TBCK: variants seen among roughly 807,000 people sequenced by gnomAD.
The protein encoded by TBCK is TBC domain-containing protein kinase-like protein.
A neutral mutation model predicts 113.4 loss-of-function variants in TBCK; 99 were observed. The ratio of observed to expected loss-of-function variants is 0.87; its 90% CI spans 0.74 to 1.03. The LOEUF (loss-of-function observed/expected upper bound fraction) is 1.03, where lower values mean the gene tolerates loss of function less well. Among genes scored for constraint, TBCK ranks in the 50% least tolerant of loss-of-function variants. The probability of loss-of-function intolerance (pLI) is 0.00; values close to 1 mark genes in which losing one functional copy is unlikely to be tolerated. For missense variants in TBCK, 1,045 were observed against 1,061.3 expected (o/e 0.98, Z 0.21); for synonymous variants, 369 against 370.8 (o/e 1.00, Z 0.05).
chr4:106,124,163 A>T (rs1744836671), intron 23 of TBCK, among the ~76,000 whole-genome samples: 2 of 152,168 alleles, frequency 1.3e-5, no homozygotes, highest in South Asian at 4.1e-4. Flanking sequence ...AAGAAAAAAC[A>T]AACAACCCCA....
intron 3 of TBCK, among the ~76,000 whole-genome samples, chr4:106,288,562 A>T (rs1765353378): frequency 6.6e-6 from 1 of 152,194 alleles, no homozygotes; most frequent in South Asian, 2.1e-4. Flanking sequence ...GCCATTTTGA[A>T]TCAGTTCTTG....
chr4:106,309,712 T>C (rs1356622241), intron 1 of TBCK, among the ~76,000 whole-genome samples: 1 of 152,150 alleles, frequency 6.6e-6, no homozygotes, highest in Non-Finnish European at 1.5e-5. Flanking sequence ...TACCAACTAG[T>C]AACGAATAGG....
rs1186724303 is a variant in TBCK, at chr4:106,137,785, GA to G, written c.2236-21408del. Among the ~76,000 whole-genome samples, 2 of 140,320 alleles carry G rather than the reference GA, an allele frequency of 1.4e-5. 1 individual carries two copies. The highest frequency in any genetic ancestry group is 3.2e-5 in the Non-Finnish European group (2 of 61,734). The allele number at this position is 140,320 out of a possible 152,430, so 92.1% of individuals were successfully genotyped here. A position where few individuals can be genotyped will look rare whatever the true frequency, so the allele number is the denominator to read the frequency against. On this transcript the variant is annotated intron_variant, in intron 23 of 25. Coordinates refer to ENST00000394708, the MANE Select transcript of TBCK (RefSeq NM_001163435.3). ...TGAAATATAAAGAAAAGTAGAGACA[GA>G]TTTTTTTTTTCAGTGATTAGAGACT...
chr4:106,244,551 C>T, intron 11 of TBCK, 75 bp downstream of exon 11: 2 of 1,168,794 alleles, frequency 1.7e-6, no homozygotes. Flanking sequence ...CACCGATTTT[C>T]TTTTTTATTA....
chr4:106,103,939 G>A (rs1240441925), intron 24 of TBCK, among the ~76,000 whole-genome samples: 1 of 152,206 alleles, frequency 6.6e-6, no homozygotes, highest in Non-Finnish European at 1.5e-5. Flanking sequence ...AGTGGTGAGT[G>A]AATGAACGGC....
chr4:106,179,174 G>A (rs939995530), intron 22 of TBCK, among the ~76,000 whole-genome samples: 1 of 151,772 alleles, frequency 6.6e-6, no homozygotes, highest in Non-Finnish European at 1.5e-5. Flanking sequence ...TATTGATTTT[G>A]CTAATCTTTT....
intron 11 of TBCK, 117 bp downstream of exon 11, chr4:106,244,509 A>T: frequency 1.0e-6 from 1 of 977,886 alleles, no homozygotes; most frequent in Non-Finnish European, 1.4e-6. Context: ...TACCAAAAAA[A>T]TTTTAAAAAC....
At chr4:106,100,277 CA>C (rs751888958) in intron 24 of TBCK, among the ~76,000 whole-genome samples, 30,095 of 152,100 alleles carry the variant, frequency 0.2, 3,377 homozygotes, top group South Asian at 0.26. Context: ...ACATCACTTA[CA>C]TATTTGGTGA....
At chr4:106,307,323 T>C (rs1182235839) in intron 2 of TBCK, among the ~76,000 whole-genome samples, 1 of 152,184 alleles carries the variant, frequency 6.6e-6, no homozygotes, top group African/African-American at 2.4e-5. Context: ...CACACAGTAA[T>C]GTTACAAGGA....
At chr4:106,197,878 T>C (rs1489731386) in intron 20 of TBCK, among the ~76,000 whole-genome samples, 1 of 152,160 alleles carries the variant, frequency 6.6e-6, no homozygotes, top group Non-Finnish European at 1.5e-5. Flanking sequence ...TCTGTTTCTA[T>C]CCATTCATAC....
intron 24 of TBCK, among the ~76,000 whole-genome samples, chr4:106,115,173 C>T (rs912223071): frequency 6.6e-6 from 1 of 152,150 alleles, no homozygotes; most frequent in Admixed American, 6.5e-5. Context: ...AAACTTATTG[C>T]TGATTGAGTA....
At chr4:106,208,993 C>T (rs1199765903) in intron 20 of TBCK, among the ~76,000 whole-genome samples, 2 of 152,186 alleles carry the variant, frequency 1.3e-5, no homozygotes, top group African/African-American at 2.4e-5. Flanking sequence ...AAGCCAAGCA[C>T]AGCCTGCCTG....
chr4:106,240,648 T>C (rs1410337002), intron 12 of TBCK, among the ~76,000 whole-genome samples: 1 of 152,058 alleles, frequency 6.6e-6, no homozygotes. Context: ...TTGATGTATA[T>C]TTTAAACTCA....
At chr4:106,128,810 A>G (rs531089231) in intron 23 of TBCK, among the ~76,000 whole-genome samples, 18 of 152,200 alleles carry the variant, frequency 1.2e-4, no homozygotes, top group Non-Finnish European at 1.8e-4. Flanking sequence ...CAAAAATGCC[A>G]AGAAAATATT....
chr4:106,111,893 A>G (rs561388846), intron 24 of TBCK, among the ~76,000 whole-genome samples: 7 of 152,346 alleles, frequency 4.6e-5, no homozygotes, highest in African/African-American at 1.4e-4. Context: ...ATAACTACTG[A>G]TAAGTTACAG....
chr4:106,279,103 G>T, intron 3 of TBCK, among the ~76,000 whole-genome samples: 1 of 151,982 alleles, frequency 6.6e-6, no homozygotes, highest in Admixed American at 6.6e-5. Context: ...ACCTTTTATG[G>T]ATATAGACAA....
At chr4:106,185,499 A>G (rs766929830) in intron 22 of TBCK, among the ~76,000 whole-genome samples, 1 of 152,060 alleles carries the variant, frequency 6.6e-6, no homozygotes, top group Non-Finnish European at 1.5e-5. Context: ...CCCATGTTTA[A>G]TCATTCTATT....
In TBCK at chr4:106,212,766, A is replaced by G. The variant is rs185954446; in HGVS notation, c.1844T>C (p.Ile615Thr). ...AGTACTTACATCTGGAATGAAACCA[A>G]TCTCATTGAGATGATTACTCAGCTC... is the stretch of plus-strand genomic sequence containing the variant. ...DPELSNHLNE[I>T]GFIPDLYAIP... Residue 615 changes from isoleucine to threonine, a missense_variant, in exon 20 of 26, where the codon ATT becomes ACT. Physicochemically the swap from Ile to Thr is moderately conservative, Grantham distance 89 (BLOSUM62 -1). Transcript: ENST00000394708. The G allele has an allele frequency of 3.1e-6, 5 of 1,610,694 alleles. No homozygotes were observed. Among genetic ancestry groups the G allele is most frequent in the African/African-American group, 1.3e-5 (1 of 74,940 alleles).
chr4:106,172,202 T>G (rs531077529), intron 22 of TBCK, among the ~76,000 whole-genome samples: 11 of 152,236 alleles, frequency 7.2e-5, no homozygotes, highest in Non-Finnish European at 1.2e-4. Context: ...TCAAGTAAGG[T>G]TTAAATGCAC....
Sources: gnomAD v4.1 joint callset for allele counts (sites outside exome capture counted in the v4.1 genomes callset) on GRCh38, gnomAD v4.1.1 for gene constraint, MANE v1.5 for transcripts, NCBI Gene and HGNC (gene_info 2026-07-23, HGNC 2026-07-21) for gene names.